ZCWPW1: variants seen among roughly 807,000 people sequenced by gnomAD.
ZCWPW1 encodes the protein zinc finger CW-type and PWWP domain containing 1, also known as zinc finger CW-type PWWP domain protein 1.
ZCWPW1 carries 56 observed loss-of-function variants against 81.3 expected under a neutral mutation model. The ratio of observed to expected loss-of-function variants is 0.69; its 90% CI spans 0.56 to 0.86. The LOEUF is 0.86. Ranked by LOEUF, ZCWPW1 falls within the 40% of genes least tolerant of loss-of-function variation. The pLI is 0.00. For synonymous variants in ZCWPW1, 250 were observed against 273.7 expected (o/e 0.91, Z 0.86); for missense variants, 650 against 769.8 (o/e 0.84, Z 1.84).
Position 100,409,550 on chromosome 7 carries a change from A to T in ZCWPW1, c.755-6T>A, listed in dbSNP as rs1281647350. 19 of 1,603,468 alleles carry T rather than the reference A, an allele frequency of 1.2e-5. No homozygotes were observed. Among genetic ancestry groups the T allele is most frequent in the Non-Finnish European group, 1.5e-5 (17 of 1,172,110 alleles). On this transcript the variant is annotated splice_polypyrimidine_tract_variant and splice_region_variant and intron_variant, in intron 8 of 17. Coordinates refer to ENST00000684423, the MANE Select transcript of ZCWPW1 (RefSeq NM_001386010.1). ...GACCCAGACCAGACATTGACCTGTG[A>T]GAGGAAAAAAATGAAATAAGAGACT...
intron 3 of ZCWPW1, 52 bp downstream of exon 3, chr7:100,420,570 G>C: frequency 1.2e-6 from 2 of 1,611,502 alleles, no homozygotes; most frequent in Non-Finnish European, 1.7e-6. Flanking sequence ...ATGTCCAAAA[G>C]GAGAAAAATG....
chr7:100,422,466 G>C (rs1448270769), intron 2 of ZCWPW1, among the ~76,000 whole-genome samples: 1 of 152,308 alleles, frequency 6.6e-6, no homozygotes, highest in African/African-American at 2.4e-5. Context: ...CAAGCTATTC[G>C]TGACCCACCA....
At chr7:100,411,929 G>A (rs150866994) in intron 8 of ZCWPW1, among the ~76,000 whole-genome samples, 10 of 152,196 alleles carry the variant, frequency 6.6e-5, no homozygotes, top group East Asian at 1.9e-4. Context: ...TTTGATGCCC[G>A]GATGTGGCTC....
chr7:100,427,997 T>G (rs1228772082), intron 1 of ZCWPW1, among the ~76,000 whole-genome samples: 1 of 151,596 alleles, frequency 6.6e-6, no homozygotes, highest in Non-Finnish European at 1.5e-5. Flanking sequence ...GCCAGGAGAC[T>G]GGGCTATTTT....
intron 1 of ZCWPW1, among the ~76,000 whole-genome samples, 173 bp downstream of exon 1, chr7:100,428,395 G>A (rs1282337900): frequency 2.6e-5 from 4 of 152,264 alleles, no homozygotes; most frequent in African/African-American, 9.6e-5. Context: ...AACGTCCCGG[G>A]AAAACTACAA....
rs1305217247 is a variant in ZCWPW1, at chr7:100,405,061, C to A, written c.1206G>T (p.Leu402=). 6.2e-7 allele frequency: 1 copy of A among 1,613,564 alleles called. No homozygotes were observed. The highest frequency in any genetic ancestry group is 1.7e-5 in the Admixed American group (1 of 60,010). The change falls in exon 13 of 18, where the codon CTG becomes CTT. Residue 402 remains leucine (L), a synonymous_variant. Coordinates refer to ENST00000684423, the MANE Select transcript of ZCWPW1 (RefSeq NM_001386010.1). The part of the protein sequence containing the change: ...KKRRNDCSQK[L]GVALMMAQEA... ...CTTGAGCCATCATCAGGGCCACCCC[C>A]AGTTTCTGGCTGCAGTCATTTCTGC...
rs1439263858 is a variant in ZCWPW1 at position 100,400,915 on chromosome 7, C to T, written c.*99G>A. 3 of 1,310,502 alleles carry T rather than the reference C, an allele frequency of 2.3e-6. No individual in the cohort carries two copies. The East Asian group carries it at 7.6e-5, about 33-fold the overall frequency. The allele number at this position is 1,310,502 out of a possible 1,614,324, so 81.2% of individuals were successfully genotyped here. A position where few individuals can be genotyped will look rare whatever the true frequency, so the allele number is the denominator to read the frequency against. ...ATTAACACAGAAACTGCACCACACA[C>T]ATTTGAACCTCATAGCCAATGAACA... On this transcript the variant is annotated 3_prime_UTR_variant, in exon 18 of 18. Transcript: ENST00000684423.
At position 100,417,114 on chromosome 7, in the gene ZCWPW1, T is replaced by A; in HGVS notation, c.431A>T (p.Lys144Met). 6.2e-7 allele frequency: 1 copy of A among 1,614,096 alleles called. No individual in the cohort carries two copies. The highest frequency in any genetic ancestry group is 8.5e-7 in the Non-Finnish European group (1 of 1,180,004). ...AGCAGAAGCAGTAATTCCTGGCTCC[T>A]TGTCTGATTGGGTAGATACTACGGG... is the stretch of plus-strand genomic sequence containing the variant. ...AQPVVSTQSD[K>M]EPGITASATD... The change falls in exon 6 of 18, where the codon AAG (lysine) becomes ATG (methionine). Residue 144 changes from lysine to methionine, a missense_variant. By Grantham distance (95) the Lys-to-Met change is moderately conservative. Transcript: ENST00000684423.
chr7:100,410,983 C>A (rs1284429265), intron 8 of ZCWPW1, among the ~76,000 whole-genome samples: 2 of 152,182 alleles, frequency 1.3e-5, no homozygotes, highest in Non-Finnish European at 2.9e-5. Context: ...AAAACACCAA[C>A]CAGAATGAAC....
At chr7:100,405,195 C>T (rs1190283210) in intron 12 of ZCWPW1, 102 bp from the exon 13 acceptor site, 8 of 1,076,504 alleles carry the variant, frequency 7.4e-6, no homozygotes, top group East Asian at 5.9e-5. Flanking sequence ...TTTGGGAGGC[C>T]GAGTCAGGTA....
rs763753444 is a variant in ZCWPW1, at chr7:100,401,094, T to C, written c.1870A>G (p.Arg624Gly). 3.7e-6 allele frequency: 6 copies of C among 1,614,192 alleles called. No individual in the cohort carries two copies. The Admixed American group carries it at 6.7e-5, about 18-fold the overall frequency. Residue 624 changes from arginine to glycine, a missense_variant, in exon 18 of 18, where the codon AGA (arginine) becomes GGA (glycine). By Grantham distance (125) the Arg-to-Gly change is moderately radical. Coordinates refer to ENST00000684423, the MANE Select transcript of ZCWPW1 (RefSeq NM_001386010.1). ...DLEQLMEDVG[R>G]ELGQSGELQH... ...AGCTCCCCGCTCTGCCCCAGCTCTC[T>C]CCCAACATCTTCCATGAGTTGCTCC...
chr7:100,419,942 A>C (rs1399642520), intron 3 of ZCWPW1, 59 bp from the exon 4 acceptor site: 3 of 1,368,660 alleles, frequency 2.2e-6, no homozygotes, highest in Admixed American at 4.6e-5. Flanking sequence ...GAGATTGCCA[A>C]ACATTACCCT....
At chr7:100,414,071 T>G (rs1452192718) in intron 8 of ZCWPW1, among the ~76,000 whole-genome samples, 10 of 152,216 alleles carry the variant, frequency 6.6e-5, no homozygotes. Flanking sequence ...TGACTCTACC[T>G]AGAAACTCCC....
chr7:100,415,106 CAG>C lies in ZCWPW1; in HGVS notation c.754+867_754+868del, dbSNP rs762020323. On this transcript the variant is annotated intron_variant, in intron 8 of 17. Transcript: ENST00000684423. ...TTTTTTTTTTTTTTTTTTTTTTAGA[CAG>C]AGTCTCCCTTTGTTGCCCAGGCTGG... 4.4e-5 allele frequency among the ~76,000 whole-genome samples: 4 copies of C among 89,980 alleles called. No homozygotes were observed. The South Asian group carries it at 1.6e-3, about 37-fold the overall frequency. 59.0% of individuals were successfully genotyped at this position (89,980 alleles called of 152,430 possible). A position where few individuals can be genotyped will look rare whatever the true frequency, so the allele number is the denominator to read the frequency against.
intron 8 of ZCWPW1, among the ~76,000 whole-genome samples, chr7:100,415,282 C>G (rs918955042): frequency 1.1e-4 from 16 of 151,656 alleles, no homozygotes; most frequent in African/African-American, 3.9e-4. Context: ...GGGGTTTCAC[C>G]ATATTGGTCA....
intron 14 of ZCWPW1, 80 bp from the exon 15 acceptor site, chr7:100,403,865 T>C (rs1792432771): frequency 7.2e-7 from 1 of 1,391,886 alleles, no homozygotes; most frequent in Admixed American, 1.9e-5. Flanking sequence ...ACAAAGAATC[T>C]GTCTTCTAAC....
At position 100,407,323 on chromosome 7, in the gene ZCWPW1, G is replaced by A. The variant is rs759155471; in HGVS notation, c.993-20C>T. 4.4e-6 allele frequency: 7 copies of A among 1,607,006 alleles called. No homozygotes were observed. The South Asian group carries it at 5.5e-5, about 13-fold the overall frequency. On this transcript the variant is annotated intron_variant, in intron 10 of 17. Transcript: ENST00000684423. Reference sequence around the variant, plus strand: ...GGCCACCTGGAGAAGATAGTTGGGTGTAGGGGACAGAAGAGAAGGGGTTAG... The same window carrying A: ...GGCCACCTGGAGAAGATAGTTGGGTATAGGGGACAGAAGAGAAGGGGTTAG...
intron 8 of ZCWPW1, among the ~76,000 whole-genome samples, chr7:100,412,171 A>G (rs1333734932): frequency 2.6e-5 from 4 of 152,162 alleles, no homozygotes; most frequent in Non-Finnish European, 5.9e-5. Context: ...TCCCCATGAT[A>G]CACTTTCTCC....
intron 16 of ZCWPW1, 43 bp from the exon 17 acceptor site, chr7:100,402,084 C>T: frequency 3.8e-6 from 6 of 1,570,336 alleles, no homozygotes; most frequent in Non-Finnish European, 4.3e-6. Context: ...TAAACGACAA[C>T]TCGGCAAGGG....
Sources: allele counts gnomAD v4.1 joint callset (sites outside exome capture counted in the v4.1 genomes callset), GRCh38; gene constraint gnomAD v4.1.1; transcripts MANE v1.5; gene names NCBI Gene and HGNC (gene_info 2026-07-23, HGNC 2026-07-21).